Variants in SCTR observed in about 807,000 individuals in gnomAD.
SCTR encodes the protein secretin receptor.
Under a neutral mutation model 60.8 loss-of-function variants are expected in SCTR, and 56 were observed. The observed-to-expected ratio is 0.92, with a 90% CI of 0.74 to 1.15. SCTR has a LOEUF of 1.15. Among genes scored for constraint, SCTR ranks in the 50% most tolerant of loss-of-function variants. The probability of loss-of-function intolerance (pLI) is 0.00; values close to 1 mark genes in which losing one functional copy is unlikely to be tolerated. For missense variants in SCTR, 562 were observed against 550.4 expected (o/e 1.02, Z -0.21); for synonymous variants, 202 against 217.0 (o/e 0.93, Z 0.61).
chr2:119,508,737 G>T (rs1214350736), intron 1 of SCTR, among the ~76,000 whole-genome samples: 1 of 152,016 alleles, frequency 6.6e-6, no homozygotes, highest in African/African-American at 2.4e-5. Context: ...GATTTATTAT[G>T]CACATGTTGT....
chr2:119,461,752 G>A, intron 7 of SCTR, 95 bp downstream of exon 7: 1 of 670,132 alleles, frequency 1.5e-6, no homozygotes, highest in South Asian at 2.5e-5. Flanking sequence ...AGTTAGTTAA[G>A]TGTGGAGCTG....
At chr2:119,473,592 G>T (rs757947251) in intron 3 of SCTR, 36 bp from the exon 4 acceptor site, 14 of 1,234,010 alleles carry the variant, frequency 1.1e-5, no homozygotes, top group Non-Finnish European at 1.7e-5. Flanking sequence ...TGAGCCATGG[G>T]CCCAGGCACT....
chr2:119,474,206 T>A (rs1677161993), intron 3 of SCTR, among the ~76,000 whole-genome samples: 1 of 152,148 alleles, frequency 6.6e-6, no homozygotes, highest in Admixed American at 6.5e-5. Flanking sequence ...ACATGGGCAG[T>A]GGCTTCCCCG....
chr2:119,505,891 C>T (rs889904633), intron 1 of SCTR, among the ~76,000 whole-genome samples: 1 of 152,072 alleles, frequency 6.6e-6, no homozygotes, highest in Non-Finnish European at 1.5e-5. Context: ...ATACAGATGG[C>T]AAACAAGCAC....
chr2:119,522,552 A>G (rs993747304), intron 1 of SCTR, among the ~76,000 whole-genome samples: 1 of 152,178 alleles, frequency 6.6e-6, no homozygotes, highest in African/African-American at 2.4e-5. Context: ...CATCCTTCCA[A>G]GGTACACTGA....
intron 1 of SCTR, among the ~76,000 whole-genome samples, chr2:119,507,809 G>A (rs1480669312): frequency 4.6e-5 from 7 of 151,456 alleles, no homozygotes; most frequent in African/African-American, 1.7e-4. Flanking sequence ...CTCCCAAGTA[G>A]GTGGGATTAC....
At chr2:119,467,785 T>G (rs1380676256) in intron 4 of SCTR, among the ~76,000 whole-genome samples, 2 of 152,210 alleles carry the variant, frequency 1.3e-5, no homozygotes, top group African/African-American at 4.8e-5. Context: ...GCTAATAAAA[T>G]GTTGTTTACC....
intron 3 of SCTR, among the ~76,000 whole-genome samples, chr2:119,478,596 G>A (rs1332664996): frequency 6.6e-6 from 1 of 152,148 alleles, no homozygotes; most frequent in Non-Finnish European, 1.5e-5. Flanking sequence ...CTTCCCCAGT[G>A]CACTGCCTCC....
At chr2:119,462,125 G>A in intron 6 of SCTR, 125 bp from the exon 7 acceptor site, 1 of 824,434 alleles carries the variant, frequency 1.2e-6, no homozygotes. Context: ...GGGCCTCTGG[G>A]GTTCAAGGCC....
chr2:119,504,343 A>G (rs906871323), intron 1 of SCTR, among the ~76,000 whole-genome samples: 1 of 152,200 alleles, frequency 6.6e-6, no homozygotes, highest in Non-Finnish European at 1.5e-5. Context: ...CTGTAATCTC[A>G]GCACTTTGGG....
chr2:119,471,734 G>A (rs1431435762), intron 4 of SCTR, among the ~76,000 whole-genome samples: 1 of 152,164 alleles, frequency 6.6e-6, no homozygotes, highest in Non-Finnish European at 1.5e-5. Context: ...TGCTGAAAGT[G>A]TACTCCCTGG....
At position 119,448,122 on chromosome 2, in the gene SCTR, G is replaced by C. The variant is rs1453741825; in HGVS notation, c.1013+567C>G. On this transcript the variant is annotated intron_variant, in intron 10 of 12. Coordinates refer to ENST00000019103, the MANE Select transcript of SCTR (RefSeq NM_002980.3). Reference sequence around the variant, plus strand: ...CACACACAGAGCAAAGACCCTGTGAGGACACAGCAAGAAATGCTTCAGAAG... The same window carrying C: ...CACACACAGAGCAAAGACCCTGTGACGACACAGCAAGAAATGCTTCAGAAG... 7.2e-5 allele frequency among the ~76,000 whole-genome samples: 11 copies of C among 152,272 alleles called. No homozygotes were observed. In the East Asian group the frequency reaches 2.1e-3, roughly 29 times the overall value.
intron 1 of SCTR, among the ~76,000 whole-genome samples, chr2:119,517,714 C>CG (rs2104954271): frequency 6.6e-6 from 1 of 152,148 alleles, no homozygotes; most frequent in South Asian, 2.1e-4. Context: ...GAAAAGTCAG[C>CG]GGAGAGGAAG....
intron 1 of SCTR, among the ~76,000 whole-genome samples, chr2:119,523,672 G>A (rs1679362462): frequency 6.6e-6 from 1 of 151,996 alleles, no homozygotes; most frequent in East Asian, 1.9e-4. Flanking sequence ...TACTGATGTG[G>A]GTTCCAATCC....
At chr2:119,451,212 C>G (rs996124039) in intron 9 of SCTR, among the ~76,000 whole-genome samples, 3 of 151,358 alleles carry the variant, frequency 2.0e-5, no homozygotes, top group African/African-American at 7.3e-5. Flanking sequence ...CTGGGCTGTC[C>G]GTGTGGATGT....
At chr2:119,517,067 A>G (rs1679138655) in intron 1 of SCTR, among the ~76,000 whole-genome samples, 1 of 152,348 alleles carries the variant, frequency 6.6e-6, no homozygotes, top group South Asian at 2.1e-4. Flanking sequence ...ACACATGCAC[A>G]CAAATGGTAA....
At chr2:119,468,603 T>C (rs145218596) in intron 4 of SCTR, among the ~76,000 whole-genome samples, 9 of 152,344 alleles carry the variant, frequency 5.9e-5, no homozygotes, top group African/African-American at 1.9e-4. Context: ...TTTTTCCCCA[T>C]CCCACCATCC....
intron 1 of SCTR, among the ~76,000 whole-genome samples, chr2:119,522,837 CAA>C (rs1299696964): frequency 2.6e-5 from 4 of 152,184 alleles, no homozygotes; most frequent in Non-Finnish European, 5.9e-5. Flanking sequence ...GGCATTTCTC[CAA>C]ATTGGGAGTC....
intron 12 of SCTR, 61 bp from the exon 13 acceptor site, chr2:119,440,318 C>T: frequency 1.3e-6 from 2 of 1,559,916 alleles, no homozygotes; most frequent in South Asian, 1.2e-5. Flanking sequence ...TGGAGCCCTG[C>T]TCACTCCCCC....
Sources: gnomAD v4.1 joint callset for allele counts (sites outside exome capture counted in the v4.1 genomes callset) on GRCh38, gnomAD v4.1.1 for gene constraint, MANE v1.5 for transcripts, NCBI Gene and HGNC (gene_info 2026-07-23, HGNC 2026-07-21) for gene names.